The following SMURF2 variants were observed in gnomAD, a reference collection of about 807,000 sequenced individuals.
SMURF2 encodes E3 ubiquitin-protein ligase SMURF2.
SMURF2 carries 48 observed loss-of-function variants against 109.6 expected under a neutral mutation model. The ratio of observed to expected loss-of-function variants is 0.44; its 90% CI spans 0.35 to 0.56. The LOEUF (loss-of-function observed/expected upper bound fraction) is 0.56, where lower values mean the gene tolerates loss of function less well. Among genes scored for constraint, SMURF2 ranks in the 20% least tolerant of loss-of-function variants. The pLI is 0.01. For synonymous variants in SMURF2, 288 were observed against 317.1 expected (o/e 0.91, Z 0.97); for missense variants, 575 against 909.0 (o/e 0.63, Z 4.72).
chr17:64,547,584 C>A lies in SMURF2; in HGVS notation c.2071+16G>T. The A allele has an allele frequency of 6.2e-7, 1 of 1,613,178 alleles. No individual in the cohort carries two copies. The highest frequency in any genetic ancestry group is 8.5e-7 in the Non-Finnish European group (1 of 1,179,288). On this transcript the variant is annotated intron_variant, in intron 17 of 18. Transcript: ENST00000262435. This position sits in a 1 kb window ranked among gnomAD's most constrained non-coding sequence, Gnocchi z 4.2. Reference sequence around the variant, plus strand: ...CCCCACCCGCTGCCCAGCTTGCCTGCACCTCAGGCTGTTACCTTGCAATGC... The same window carrying A: ...CCCCACCCGCTGCCCAGCTTGCCTGAACCTCAGGCTGTTACCTTGCAATGC...
chr17:64,609,537 T>C (rs1252334658), intron 1 of SMURF2, among the ~76,000 whole-genome samples: 1 of 152,178 alleles, frequency 6.6e-6, no homozygotes, highest in African/African-American at 2.4e-5. Context: ...ATTCCCTATG[T>C]AATAAATGGT....
chr17:64,662,127 GC>G lies in SMURF2; in HGVS notation c.-248del. ...GCACAACAAAGCGGCAGCCGCGGCC[GC>G]CCGCGCCGCCTCCGCCCGCGCCCCC... On this transcript the variant is annotated 5_prime_UTR_variant, in exon 1 of 19. Coordinates refer to ENST00000262435, the MANE Select transcript of SMURF2 (RefSeq NM_022739.4). 9.7e-7 allele frequency: 1 copy of G among 1,033,940 alleles called. No homozygotes were observed. Among genetic ancestry groups the G allele is most frequent in the Non-Finnish European group, 1.2e-6 (1 of 860,906 alleles). The allele number at this position is 1,033,940 out of a possible 1,614,324, so 64.0% of individuals were successfully genotyped here.
intron 1 of SMURF2, among the ~76,000 whole-genome samples, chr17:64,631,279 G>GGA (rs1970338597): frequency 1.3e-4 from 1 of 7,442 alleles, no homozygotes; most frequent in Non-Finnish European, 2.9e-4. Flanking sequence ...AGAGGGGGGG[G>GGA]GGGAGAGAGA....
rs781984446 is a variant in SMURF2, at chr17:64,586,113, C to T, written c.458G>A (p.Arg153His). 5.6e-6 allele frequency: 9 copies of T among 1,610,074 alleles called. No homozygotes were observed. Among genetic ancestry groups the T allele is most frequent in the African/African-American group, 4.0e-5 (3 of 74,804 alleles). ...GTGGQVVDCS[R>H]LFDNDLPDGW... Reference sequence around the variant, plus strand: ...GTCTGGTAAATCGTTATCAAATAAACGACTGCAGTCCACAACTTGTCCTCC... The same window carrying T: ...GTCTGGTAAATCGTTATCAAATAAATGACTGCAGTCCACAACTTGTCCTCC... Residue 153 changes from arginine to histidine, a missense_variant, in exon 6 of 19, where the codon CGT becomes CAT. Arg to His is a conservative substitution (Grantham distance 29, BLOSUM62 0). Around this residue, in one of 5 missense-constraint regions of SMURF2, gnomAD observed 151 missense variants for 178.4 expected, o/e 0.85. Coordinates refer to ENST00000262435, the MANE Select transcript of SMURF2 (RefSeq NM_022739.4).
rs181425214 is a variant in SMURF2 at position 64,636,345 on chromosome 17, G to A, written c.52+25484C>T. Among the ~76,000 whole-genome samples the A allele has an allele frequency of 3.5e-3, 527 of 152,228 alleles. 4 individuals carry two copies. Among genetic ancestry groups the A allele is most frequent in the Middle Eastern group, 0.014 (4 of 294 alleles). On this transcript the variant is annotated intron_variant, in intron 1 of 18. Transcript: ENST00000262435. ...AGGCCGGGTGCGGTGGCTCACACCT[G>A]TAATCCCAGCACTTTGGGAGGCTGA... is the stretch of plus-strand genomic sequence containing the variant.
At position 64,566,561 on chromosome 17, in the gene SMURF2, G is replaced by GTTTTTTTTTTTTTTTTTTTTTTTTTTTTT. The variant is rs1164717270; in HGVS notation, c.1017-3624_1017-3596dup. Among the ~76,000 whole-genome samples the GTTTTTTTTTTTTTTTTTTTTTTTTTTTTT allele has an allele frequency of 8.9e-4, 39 of 43,800 alleles. 13 individuals are homozygous for GTTTTTTTTTTTTTTTTTTTTTTTTTTTTT. The highest frequency in any genetic ancestry group is 2.5e-3 in the Admixed American group (6 of 2,374). The allele number at this position is 43,800 out of a possible 152,430, so 28.7% of individuals were successfully genotyped here. The stretch of plus-strand genomic sequence containing the variant: ...GATGTAGAAATGCTTAAGCTTTCTG[G>GTTTTTTTTTTTTTTTTTTTTTTTTTTTTT]TTTTTTTTTTTTTTTTTTTTTTTTT... On this transcript the variant is annotated intron_variant, in intron 10 of 18. Coordinates refer to ENST00000262435, the MANE Select transcript of SMURF2 (RefSeq NM_022739.4).
intron 14 of SMURF2, 78 bp downstream of exon 14, chr17:64,555,742 T>A: frequency 4.1e-6 from 4 of 986,454 alleles, no homozygotes; most frequent in South Asian, 2.3e-5. Flanking sequence ...GTAATTTTTT[T>A]AAGTACATCA....
At chr17:64,567,631 C>T (rs181984602) in intron 10 of SMURF2, among the ~76,000 whole-genome samples, 1 of 152,280 alleles carries the variant, frequency 6.6e-6, no homozygotes, top group Admixed American at 6.5e-5. Flanking sequence ...TGTCTCAGGC[C>T]ACACATAAAA....
intron 9 of SMURF2, among the ~76,000 whole-genome samples, chr17:64,578,102 C>G (rs1297989425): frequency 6.6e-6 from 1 of 151,936 alleles, no homozygotes; most frequent in African/African-American, 2.4e-5. Flanking sequence ...CGCGCCACCA[C>G]GCCCAGCTCA....
chr17:64,635,514 C>A (rs1427168106), intron 1 of SMURF2, among the ~76,000 whole-genome samples: 2 of 152,092 alleles, frequency 1.3e-5, no homozygotes, highest in Admixed American at 6.6e-5. Flanking sequence ...TCTTCCCTCC[C>A]CCATCCCCTA....
At chr17:64,592,257 T>C (rs1969760394) in intron 4 of SMURF2, among the ~76,000 whole-genome samples, 3 of 152,244 alleles carry the variant, frequency 2.0e-5, no homozygotes. Context: ...TGTAAACTTA[T>C]TGAACTAGGG....
chr17:64,594,785 G>C (rs781914928), intron 3 of SMURF2, among the ~76,000 whole-genome samples: 1 of 152,036 alleles, frequency 6.6e-6, no homozygotes, highest in Non-Finnish European at 1.5e-5. Flanking sequence ...ACAGGAGTTC[G>C]AGACCAGCCT....
intron 3 of SMURF2, 107 bp downstream of exon 3, chr17:64,598,275 A>G (rs1179577193): frequency 2.0e-6 from 2 of 1,001,262 alleles, no homozygotes; most frequent in East Asian, 5.5e-5. Context: ...TGTGATGACC[A>G]AATTATACCA....
At chr17:64,625,581 G>A (rs1318977852) in intron 1 of SMURF2, among the ~76,000 whole-genome samples, 1 of 150,720 alleles carries the variant, frequency 6.6e-6, no homozygotes, top group Non-Finnish European at 1.5e-5. Flanking sequence ...ATGTAGAACT[G>A]GTATTGGTTG....
intron 1 of SMURF2, among the ~76,000 whole-genome samples, chr17:64,617,732 C>A (rs1555690222): frequency 2.0e-5 from 3 of 152,094 alleles, no homozygotes. Context: ...GTCTCCCAGA[C>A]TGTTAGAATT....
intron 1 of SMURF2, among the ~76,000 whole-genome samples, chr17:64,641,486 T>C (rs1970492468): frequency 6.6e-6 from 1 of 152,226 alleles, no homozygotes; most frequent in Non-Finnish European, 1.5e-5. Flanking sequence ...GAATCTAGAA[T>C]AGCCTGTAAC....
At chr17:64,631,961 C>CGG (rs782202552) in intron 1 of SMURF2, among the ~76,000 whole-genome samples, 1 of 9,956 alleles carries the variant, frequency 1.0e-4, no homozygotes, top group Non-Finnish European at 2.4e-4. Flanking sequence ...TCTTTTTTTG[C>CGG]GGGGGGGGGG....
chr17:64,644,108 C>T (rs1281146026), intron 1 of SMURF2, among the ~76,000 whole-genome samples: 1 of 152,108 alleles, frequency 6.6e-6, no homozygotes. Flanking sequence ...TGGGCTCAAA[C>T]CATCCTCCCA....
rs1968946199 is a variant in SMURF2, at chr17:64,545,829, G to C, written c.*19C>G. On this transcript the variant is annotated 3_prime_UTR_variant, in exon 19 of 19. Coordinates refer to ENST00000262435, the MANE Select transcript of SMURF2 (RefSeq NM_022739.4). Reference sequence around the variant, plus strand: ...TCAGGGTTGTATAAATAGAGTCCTGGGTAAATCCTTGAAGCTTGTCATTCC... The same window carrying C: ...TCAGGGTTGTATAAATAGAGTCCTGCGTAAATCCTTGAAGCTTGTCATTCC... 6.8e-7 allele frequency: 1 copy of C among 1,471,656 alleles called. No homozygotes were observed. The highest frequency in any genetic ancestry group is 9.5e-7 in the Non-Finnish European group (1 of 1,050,978). 91.2% of individuals were successfully genotyped at this position (1,471,656 alleles called of 1,614,324 possible).
Sources: gnomAD v4.1 joint callset for allele counts (sites outside exome capture counted in the v4.1 genomes callset) on GRCh38, gnomAD v4.1.1 for gene constraint, gnomAD v4.1.1 regional missense constraint, Gnocchi (gnomAD v3.1) non-coding constraint, MANE v1.5 for transcripts, NCBI Gene and HGNC (gene_info 2026-07-23, HGNC 2026-07-21) for gene names.